The following PMPCB variants were observed in gnomAD, a reference collection of about 807,000 sequenced individuals.
PMPCB encodes peptidase, mitochondrial processing subunit beta.
PMPCB carries 46 observed loss-of-function variants against 61.5 expected under a neutral mutation model. The observed-to-expected ratio is 0.75, with a 90% confidence interval of 0.59 to 0.96. The LOEUF (loss-of-function observed/expected upper bound fraction) is 0.96, where lower values mean the gene tolerates loss of function less well. Among genes scored for constraint, PMPCB ranks in the 40% least tolerant of loss-of-function variants. The pLI, the probability that PMPCB is intolerant of heterozygous loss-of-function variation, is 0.00. For synonymous variants in PMPCB, 191 were observed against 201.6 expected (o/e 0.95, Z 0.44); for missense variants, 590 against 602.4 (o/e 0.98, Z 0.22).
chr7:103,324,496 T>C lies in PMPCB; in HGVS notation c.*1432-4435T>C, dbSNP rs751387918. ...TATTCACTTACCAGAAAGAATAAAATATATCTACATCTTCAAATGATGAAT... is the reference window on the plus strand; with the variant it reads ...TATTCACTTACCAGAAAGAATAAAACATATCTACATCTTCAAATGATGAAT... On this transcript the variant is annotated intron_variant and NMD_transcript_variant, in intron 12 of 12. Coordinates refer to the PMPCB transcript ENST00000444457. 3.3e-6 allele frequency: 5 copies of C among 1,497,256 alleles called. No homozygotes were observed. The Admixed American group carries it at 1.2e-4, about 36-fold the overall frequency. 92.7% of individuals were successfully genotyped at this position (1,497,256 alleles called of 1,614,324 possible).
chr7:103,330,727 G>C (rs1474202645), downstream of PMPCB, among the ~76,000 whole-genome samples: 1 of 151,116 alleles, frequency 6.6e-6, no homozygotes, highest in Non-Finnish European at 1.5e-5. Context: ...TGGGATTACA[G>C]GTGTGAGCTA....
chr7:103,313,329 A>G lies in PMPCB; in HGVS notation c.*1058A>G, dbSNP rs1307260970. 7.8e-7 allele frequency: 1 copy of G among 1,284,246 alleles called. No individual in the cohort carries two copies. The highest frequency in any genetic ancestry group is 3.8e-5 in the Admixed American group (1 of 26,556). The allele number at this position is 1,284,246 out of a possible 1,614,324, so 79.6% of individuals were successfully genotyped here. ...AAATCTCAAAGGCTTTTAAAACACA[A>G]TAGTAAAGATCTACCTTGTACTGTT... On this transcript the variant is annotated 3_prime_UTR_variant, in exon 13 of 13. Transcript: ENST00000249269.
chr7:103,319,589 G>A (rs377693338), downstream of PMPCB: 3 of 1,611,514 alleles, frequency 1.9e-6, no homozygotes, highest in Admixed American at 3.3e-5. Flanking sequence ...ATAGGTAGGA[G>A]TGATGTGTTC....
At chr7:103,329,038 CCACAGT>C in exon 13 of PMPCB, 1 of 1,239,506 alleles carries the variant, frequency 8.1e-7, no homozygotes, top group Non-Finnish European at 1.0e-6. Flanking sequence ...ACAGCCTCAG[CCACAGT>C]ACGTCTAATT....
Position 103,299,495 on chromosome 7 carries a change from G to T in PMPCB, c.293G>T (p.Gly98Val). The T allele has an allele frequency of 6.2e-7, 1 of 1,613,038 alleles. No homozygotes were observed. The change falls in exon 3 of 13, where the codon GGA becomes GTA. Residue 98 changes from glycine (G) to valine (V), a missense_variant. Coordinates refer to ENST00000249269, the MANE Select transcript of PMPCB (RefSeq NM_004279.3). ...GSRYENEKNN[G>V]TAHFLEHMAF... ...AGATACGAAAATGAGAAGAACAATG[G>T]AACAGCACACTTTCTGGAGCATATG...
downstream of PMPCB, among the ~76,000 whole-genome samples, chr7:103,332,252 G>A (rs547847514): frequency 4.0e-4 from 61 of 152,242 alleles, no homozygotes; most frequent in Admixed American, 3.1e-3. Flanking sequence ...TGATCCGCCC[G>A]CCTTGGCCTC....
At chr7:103,319,533 A>T (rs1297122106), downstream of PMPCB, 1 of 1,340,650 alleles carries the variant, frequency 7.5e-7, no homozygotes, top group Non-Finnish European at 1.1e-6. Flanking sequence ...TTGGTGACTT[A>T]TATATTAGGT....
At chr7:103,322,420 T>C (rs1033266669) in intron 12 of PMPCB, 40 of 1,249,486 alleles carry the variant, frequency 3.2e-5, no homozygotes, top group African/African-American at 4.6e-5. Context: ...TTTCGAATTA[T>C]AGTTTTTTTT....
chr7:103,298,517 A>T (rs1428938700), intron 1 of PMPCB, 51 bp from the exon 2 acceptor site: 2 of 1,534,958 alleles, frequency 1.3e-6, no homozygotes, highest in Non-Finnish European at 8.9e-7. Context: ...ATTTAATATC[A>T]GATTAGTAAT....
In PMPCB at chr7:103,312,216, A is replaced by G. The variant is rs1237892419; in HGVS notation, c.1415A>G (p.Lys472Arg). The G allele has an allele frequency of 6.2e-7, 1 of 1,613,664 alleles. No individual in the cohort carries two copies. Among genetic ancestry groups the G allele is most frequent in the Admixed American group, 1.7e-5 (1 of 60,028 alleles). Residue 472 changes from lysine (K) to arginine (R), a missense_variant, in exon 13 of 13, where the codon AAG becomes AGG. Coordinates refer to ENST00000249269, the MANE Select transcript of PMPCB (RefSeq NM_004279.3). ...TCTTTTTAATCCTTAGGTCCCATTA[A>G]GCAACTACCAGATTTTAAACAGATA... ...SPAIAAVGPI[K>R]QLPDFKQIRS...
chr7:103,299,579 C>G lies in PMPCB; in HGVS notation c.327+50C>G, dbSNP rs778849065. Reference sequence around the variant, plus strand: ...TGCACTCTCTTTAAGAGATAATAAGCACAAAGTCTCATTCTTTAGAGGCAG... The same window carrying G: ...TGCACTCTCTTTAAGAGATAATAAGGACAAAGTCTCATTCTTTAGAGGCAG... On this transcript the variant is annotated intron_variant, in intron 3 of 12. Transcript: ENST00000249269. 5.8e-5 allele frequency: 60 copies of G among 1,034,578 alleles called. No homozygotes were observed. In the East Asian group the frequency reaches 1.5e-3, roughly 25 times the overall value. 64.1% of individuals were successfully genotyped at this position (1,034,578 alleles called of 1,614,324 possible).
chr7:103,306,100 G>A (rs1261355112), intron 6 of PMPCB, among the ~76,000 whole-genome samples: 1 of 152,170 alleles, frequency 6.6e-6, no homozygotes, highest in African/African-American at 2.4e-5. Context: ...AAATAGGCCA[G>A]TTTTAAGTTT....
At chr7:103,301,706 C>T (rs1469530613) in intron 4 of PMPCB, among the ~76,000 whole-genome samples, 1 of 152,200 alleles carries the variant, frequency 6.6e-6, no homozygotes, top group South Asian at 2.1e-4. Flanking sequence ...TTTCACCCTT[C>T]ACCCTGGGTG....
chr7:103,313,424 T>C lies in PMPCB; in HGVS notation c.*1153T>C. On this transcript the variant is annotated 3_prime_UTR_variant, in exon 13 of 13. Transcript: ENST00000249269. ...AGCCATATTTAAATTTATAGTACTG[T>C]TGGACTCTTGGACTCAAAAACACAA... 1.0e-6 allele frequency: 1 copy of C among 982,624 alleles called. No individual in the cohort carries two copies. Among genetic ancestry groups the C allele is most frequent in the Non-Finnish European group, 1.2e-6 (1 of 827,402 alleles). 60.9% of individuals were successfully genotyped at this position (982,624 alleles called of 1,614,324 possible).
chr7:103,322,431 A>T (rs1010810137), intron 12 of PMPCB: 76 of 1,287,650 alleles, frequency 5.9e-5, no homozygotes, highest in African/African-American at 1.4e-4. Context: ...AGTTTTTTTT[A>T]AAAAAAGATG....
chr7:103,324,755 G>A (rs1249335420), intron 12 of PMPCB: 24 of 397,772 alleles, frequency 6.0e-5, no homozygotes, highest in Non-Finnish European at 6.8e-5. Context: ...TGCGAAAAGT[G>A]AGGCCAAAGA....
intron 12 of PMPCB, among the ~76,000 whole-genome samples, chr7:103,321,297 T>C (rs1333528265): frequency 1.3e-5 from 2 of 149,966 alleles, no homozygotes; most frequent in African/African-American, 4.9e-5. Flanking sequence ...GATGGGTGGA[T>C]CATGAGGTCA....
At chr7:103,327,597 C>G in intron 12 of PMPCB, 1 of 1,148,250 alleles carries the variant, frequency 8.7e-7, no homozygotes, top group Non-Finnish European at 1.3e-6. Context: ...AACCCAATCC[C>G]AGCAATTAAT....
the PMPCB span, chr7:103,345,004 G>C: frequency 2.5e-6 from 1 of 405,954 alleles, no homozygotes; most frequent in East Asian, 3.7e-5. Flanking sequence ...TTATCTTTAA[G>C]TTCTTACTGC....
Sources: gnomAD v4.1 joint callset for allele counts (sites outside exome capture counted in the v4.1 genomes callset) on GRCh38, gnomAD v4.1.1 for gene constraint, MANE v1.5 for transcripts, NCBI Gene and HGNC (gene_info 2026-07-23, HGNC 2026-07-21) for gene names.